Variants in TRPM6 observed in about 807,000 individuals in gnomAD.
TRPM6 encodes the protein transient receptor potential cation channel subfamily M member 6, also known as channel kinase 2.
A neutral mutation model predicts 247.6 loss-of-function variants in TRPM6; 111 were observed. The observed-to-expected ratio is 0.45, with a 90% CI of 0.38 to 0.52. The LOEUF is 0.52. Among genes scored for constraint, TRPM6 ranks in the 20% least tolerant of loss-of-function variants. TRPM6 has a pLI of 0.00. For synonymous variants in TRPM6, 892 were observed against 853.8 expected (o/e 1.04, Z -0.78); for missense variants, 2,126 against 2,421.5 (o/e 0.88, Z 2.56).
At chr9:74,886,176 A>T (rs767468448) in intron 1 of TRPM6, among the ~76,000 whole-genome samples, 1 of 152,194 alleles carries the variant, frequency 6.6e-6, no homozygotes, top group Non-Finnish European at 1.5e-5. Flanking sequence ...GTTTAACACT[A>T]CCAAAGGGTA....
At chr9:74,816,600 C>G in intron 11 of TRPM6, 69 bp downstream of exon 11, 1 of 1,277,994 alleles carries the variant, frequency 7.8e-7, no homozygotes, top group East Asian at 2.4e-5. Flanking sequence ...CTCTCATTTT[C>G]TCTTTTGCCC....
rs1411967535 is a variant in TRPM6, at chr9:74,775,924, T to C, written c.3362A>G (p.His1121Arg). ...CTCTTCTTGGTCGTGAGGAGCTCGA[T>C]GACAGCACAGGCGGCGGAGGAGAAG... ...VGLLLRRLCC[H>R]RAPHDQEEGD... The change falls in exon 24 of 39, where the codon CAT becomes CGT. Residue 1121 changes from histidine to arginine, a missense_variant. This residue lies in a region of TRPM6 where 717 missense variants were observed against 715.9 expected (regional missense o/e 1.00). Transcript: ENST00000360774. The C allele has an allele frequency of 5.0e-6, 8 of 1,614,176 alleles. No individual in the cohort carries two copies. The highest frequency in any genetic ancestry group is 1.7e-5 in the Admixed American group (1 of 60,028).
At chr9:74,838,010 G>A (rs768030692) in intron 5 of TRPM6, among the ~76,000 whole-genome samples, 2 of 152,044 alleles carry the variant, frequency 1.3e-5, no homozygotes, top group East Asian at 1.9e-4. Flanking sequence ...TCAGCTTCCC[G>A]AAAGGCTGGG....
chr9:74,738,192 T>C (rs1332528611), intron 36 of TRPM6, among the ~76,000 whole-genome samples: 45 of 152,224 alleles, frequency 3.0e-4, no homozygotes, highest in Non-Finnish European at 7.3e-5. Context: ...ACATTTTAAA[T>C]AGATAATCAT....
At chr9:74,753,707 C>CAG (rs1457708521) in intron 28 of TRPM6, among the ~76,000 whole-genome samples, 1 of 152,092 alleles carries the variant, frequency 6.6e-6, no homozygotes, top group African/African-American at 2.4e-5. Flanking sequence ...AAAATAAAAA[C>CAG]AGAGAGAGAG....
At chr9:74,871,520 T>G (rs1831031030) in intron 1 of TRPM6, among the ~76,000 whole-genome samples, 1 of 152,226 alleles carries the variant, frequency 6.6e-6, no homozygotes, top group Non-Finnish European at 1.5e-5. Context: ...AGTCCCATAA[T>G]TGACTTAGCT....
At chr9:74,812,795 T>G (rs1828783715) in intron 11 of TRPM6, among the ~76,000 whole-genome samples, 1 of 152,012 alleles carries the variant, frequency 6.6e-6, no homozygotes, top group African/African-American at 2.4e-5. Context: ...GAGGCTGAGG[T>G]GGGAGGACCA....
At chr9:74,845,327 C>G (rs1276404868) in intron 3 of TRPM6, among the ~76,000 whole-genome samples, 1 of 152,166 alleles carries the variant, frequency 6.6e-6, no homozygotes, top group Non-Finnish European at 1.5e-5. Context: ...CTAAAAATCT[C>G]TTGCATACTC....
At chr9:74,806,253 A>G (rs1828522470) in intron 14 of TRPM6, among the ~76,000 whole-genome samples, 2 of 152,038 alleles carry the variant, frequency 1.3e-5, no homozygotes, top group Admixed American at 1.3e-4. Flanking sequence ...GAGAAAAAAA[A>G]ACCATAGGCT....
In TRPM6 at chr9:74,782,664, A is replaced by G; in HGVS notation, c.3094+15T>C. 1 of 1,613,864 alleles carries G rather than the reference A, an allele frequency of 6.2e-7. No individual in the cohort carries two copies. The highest frequency in any genetic ancestry group is 8.5e-7 in the Non-Finnish European group (1 of 1,179,756). ...AAGGCACAATTTCTGCATGACGGTAAAATCCCATACACACCATCTATTTCT... is the reference window on the plus strand; with the variant it reads ...AAGGCACAATTTCTGCATGACGGTAGAATCCCATACACACCATCTATTTCT... On this transcript the variant is annotated intron_variant, in intron 22 of 38. Coordinates refer to ENST00000360774, the MANE Select transcript of TRPM6 (RefSeq NM_017662.5).
intron 3 of TRPM6, among the ~76,000 whole-genome samples, chr9:74,852,511 CCCCT>C (rs1830364726): frequency 1.3e-5 from 2 of 152,006 alleles, no homozygotes; most frequent in African/African-American, 4.8e-5. Flanking sequence ...TCTCCCTCTC[CCCCT>C]CTCTCCACGG....
intron 38 of TRPM6, among the ~76,000 whole-genome samples, chr9:74,725,690 C>T (rs551623544): frequency 7.2e-5 from 11 of 152,228 alleles, no homozygotes; most frequent in East Asian, 3.9e-4. Context: ...CCAGGTAAGA[C>T]GTGACTTGCT....
chr9:74,762,177 G>C lies in TRPM6; in HGVS notation c.4494C>G (p.Ser1498=), dbSNP rs749033414. The C allele has an allele frequency of 3.1e-6, 5 of 1,614,032 alleles. No homozygotes were observed. The African/African-American group carries it at 6.7e-5, about 22-fold the overall frequency. Residue 1498 remains serine, a synonymous_variant, in exon 26 of 39, where the codon TCC becomes TCG. Coordinates refer to ENST00000360774, the MANE Select transcript of TRPM6 (RefSeq NM_017662.5). ...CCGATCTTGTTGAGTTATCAGATAG[G>C]GAGCTGTCCTGGGCCTGCTTCTGGT... The part of the protein sequence containing the change: ...EQHQKQAQDS[S]LSDNSTRSAQ...
At chr9:74,732,941 C>A (rs569316319) in intron 36 of TRPM6, among the ~76,000 whole-genome samples, 4 of 152,254 alleles carry the variant, frequency 2.6e-5, no homozygotes, top group South Asian at 2.1e-4. Flanking sequence ...CGCCTGTAAT[C>A]CCAGCTCTTT....
intron 21 of TRPM6, among the ~76,000 whole-genome samples, chr9:74,784,134 T>C (rs949830653): frequency 6.6e-6 from 1 of 151,940 alleles, no homozygotes; most frequent in Non-Finnish European, 1.5e-5. Context: ...CAAGTGCCTG[T>C]AGTCCCTACT....
In TRPM6 at chr9:74,820,604, T is replaced by G. The variant is rs575769324; in HGVS notation, c.1011-177A>C. On this transcript the variant is annotated intron_variant, in intron 8 of 38. Transcript: ENST00000360774. ...CAGGAGCTCAAGAAGAAAGCTGAAT[T>G]TGAAAGTGGGAATGGAGCCGGGCAT... Among the ~76,000 whole-genome samples, 7 of 152,010 alleles carry G rather than the reference T, an allele frequency of 4.6e-5. No homozygotes were observed. The East Asian group carries it at 1.4e-3, about 29-fold the overall frequency.
Position 74,810,795 on chromosome 9 carries a change from C to T in TRPM6, c.1497+20G>A, listed in dbSNP as rs368268971. On this transcript the variant is annotated intron_variant, in intron 13 of 38. Coordinates refer to ENST00000360774, the MANE Select transcript of TRPM6 (RefSeq NM_017662.5). ...AAGGCAATACACAAAGACATGTTCA[C>T]GCCTTCTTAATTAGGTTACCTGTTT... 111 of 1,610,150 alleles carry T rather than the reference C, an allele frequency of 6.9e-5. No homozygotes were observed. Among genetic ancestry groups the T allele is most frequent in the Non-Finnish European group, 8.2e-5 (97 of 1,176,626 alleles).
chr9:74,750,747 C>T (rs200570071), intron 29 of TRPM6, 25 bp from the exon 30 acceptor site: 23 of 1,612,130 alleles, frequency 1.4e-5, no homozygotes, highest in Admixed American at 5.0e-5. Context: ...AAGGCCGTTA[C>T]GTGTGTGCTC....
Position 74,738,441 on chromosome 9 carries a change from G to A in TRPM6, c.5742C>T (p.Tyr1914=). 1 of 1,614,076 alleles carries A rather than the reference G, an allele frequency of 6.2e-7. No individual in the cohort carries two copies. Among genetic ancestry groups the A allele is most frequent in the African/African-American group, 1.3e-5 (1 of 75,032 alleles). ...CTAAAACCAGCAGCTCTCCCCGAGTGTACTCATAGGTCCAGTGAGAGAAAG... is the reference window on the plus strand; with the variant it reads ...CTAAAACCAGCAGCTCTCCCCGAGTATACTCATAGGTCCAGTGAGAGAAAG... The part of the protein sequence containing the change: ...MLAFSHWTYE[Y]TRGELLVLDL... Residue 1914 remains tyrosine, a synonymous_variant, in exon 36 of 39, where the codon TAC becomes TAT. Coordinates refer to ENST00000360774, the MANE Select transcript of TRPM6 (RefSeq NM_017662.5).
Sources: gnomAD v4.1 joint callset for allele counts (sites outside exome capture counted in the v4.1 genomes callset) on GRCh38, gnomAD v4.1.1 for gene constraint, gnomAD v4.1.1 regional missense constraint, MANE v1.5 for transcripts, NCBI Gene and HGNC (gene_info 2026-07-23, HGNC 2026-07-21) for gene names.